The following PDXDC1 variants were observed in gnomAD, a reference collection of about 807,000 sequenced individuals.
The protein encoded by PDXDC1 is pyridoxal dependent decarboxylase domain containing 1, also known as pyridoxal-dependent decarboxylase domain-containing protein 1.
PDXDC1 carries 42 observed loss-of-function variants against 100.1 expected under a neutral mutation model. The observed-to-expected ratio is 0.42, with a 90% CI of 0.33 to 0.54. The LOEUF (loss-of-function observed/expected upper bound fraction) is 0.54, where lower values mean the gene tolerates loss of function less well. Among genes scored for constraint, PDXDC1 ranks in the 20% least tolerant of loss-of-function variants. The pLI is 0.10. For synonymous variants in PDXDC1, 260 were observed against 371.7 expected (o/e 0.70, Z 3.46); for missense variants, 636 against 979.2 (o/e 0.65, Z 4.68).
At chr16:15,058,698 T>G (rs2044611365) in intron 16 of PDXDC1, among the ~76,000 whole-genome samples, 1 of 152,208 alleles carries the variant, frequency 6.6e-6, no homozygotes, top group Non-Finnish European at 1.5e-5. Context: ...ACCACTGCAC[T>G]CCAGCCTGGG....
chr16:15,082,837 A>G (rs545427641), intron 16 of PDXDC1, among the ~76,000 whole-genome samples: 2 of 152,212 alleles, frequency 1.3e-5, no homozygotes, highest in Non-Finnish European at 2.9e-5. Context: ...CAAAAACTTA[A>G]GCAGAATTCT....
the PDXDC1 span, among the ~76,000 whole-genome samples, chr16:15,145,307 C>G: frequency 6.6e-6 from 1 of 152,254 alleles, no homozygotes; most frequent in African/African-American, 2.4e-5. Context: ...GTGGGCACAG[C>G]CAATGATGGC....
At chr16:15,048,302 G>C (rs531722625) in intron 16 of PDXDC1, among the ~76,000 whole-genome samples, 1 of 152,212 alleles carries the variant, frequency 6.6e-6, no homozygotes. Flanking sequence ...GGTTCTGCGC[G>C]GTGGTTTTTT....
In PDXDC1 at chr16:15,034,251, T is replaced by C. The variant is rs753546251; in HGVS notation, c.1813-35T>C. ...CTCTTCTGGGCCCCAGGTGAGAACC[T>C]TAAACAAGTAATGTCTTTCTTGGTC... On this transcript the variant is annotated intron_variant, in intron 19 of 22. Transcript: ENST00000396410. The C allele has an allele frequency of 1.6e-5, 25 of 1,599,694 alleles. No homozygotes were observed. In the South Asian group the frequency reaches 2.6e-4, roughly 17 times the overall value.
intron 16 of PDXDC1, among the ~76,000 whole-genome samples, chr16:15,103,526 C>CA (rs2046643248): frequency 6.6e-6 from 1 of 151,804 alleles, no homozygotes; most frequent in Non-Finnish European, 1.5e-5. Flanking sequence ...TTTTTTGAGT[C>CA]AGAGTCTCGC....
chr16:15,029,626 C>G (rs1016052252), intron 15 of PDXDC1: 1 of 498,994 alleles, frequency 2.0e-6, no homozygotes, highest in African/African-American at 1.9e-5. Flanking sequence ...CTACAACTCC[C>G]TGCCCGCCAC....
chr16:15,117,421 G>T (rs1430938263), intron 16 of PDXDC1, among the ~76,000 whole-genome samples: 9 of 147,884 alleles, frequency 6.1e-5, no homozygotes, highest in African/African-American at 2.0e-4. Flanking sequence ...AGCACTGGGA[G>T]GCCGAGGCAG....
chr16:15,026,561 C>T (rs777600429), intron 13 of PDXDC1, 82 bp from the exon 14 acceptor site: 31 of 1,133,732 alleles, frequency 2.7e-5, no homozygotes, highest in Admixed American at 1.8e-4. Context: ...CATTTCTAAG[C>T]GAGTTTTTGA....
intron 16 of PDXDC1, among the ~76,000 whole-genome samples, chr16:15,096,043 A>C (rs1252531311): frequency 1.3e-5 from 2 of 151,748 alleles, no homozygotes; most frequent in Non-Finnish European, 2.9e-5. Flanking sequence ...GTACCCCTGC[A>C]CTCCAGCCTG....
In PDXDC1 at chr16:15,038,307, A is replaced by T; in HGVS notation, c.*2032A>T. ...TATCTTTGTTCTTGGACACAAATAT[A>T]TATAATAAAATACGTTAAGAAATGA... On this transcript the variant is annotated 3_prime_UTR_variant, in exon 23 of 23. Coordinates refer to ENST00000396410, the MANE Select transcript of PDXDC1 (RefSeq NM_015027.4). The T allele has an allele frequency of 1.2e-6, 1 of 849,856 alleles. No individual in the cohort carries two copies. Among genetic ancestry groups the T allele is most frequent in the Admixed American group, 2.8e-5 (1 of 35,276 alleles). The allele number at this position is 849,856 out of a possible 1,614,324, so 52.6% of individuals were successfully genotyped here.
At chr16:15,128,592 G>A (rs1448962340) in intron 16 of PDXDC1, among the ~76,000 whole-genome samples, 1 of 152,092 alleles carries the variant, frequency 6.6e-6, no homozygotes, top group African/African-American at 2.4e-5. Context: ...ACATGATTAA[G>A]TTACATGGAA....
chr16:15,149,793 G>A, the PDXDC1 span, among the ~76,000 whole-genome samples: 7 of 152,206 alleles, frequency 4.6e-5, no homozygotes, highest in South Asian at 1.5e-3. Context: ...AGCACCAGAA[G>A]TGGCCTTTAG....
chr16:14,997,622 T>G, intron 1 of PDXDC1, 131 bp from the exon 2 acceptor site: 4 of 1,053,986 alleles, frequency 3.8e-6, no homozygotes, highest in Non-Finnish European at 5.4e-6. Flanking sequence ...TTTGTACTAT[T>G]GCAAGTTTTA....
intron 16 of PDXDC1, among the ~76,000 whole-genome samples, chr16:15,101,657 G>A (rs1229638704): frequency 7.4e-5 from 11 of 149,006 alleles, no homozygotes; most frequent in Non-Finnish European, 1.5e-4. Flanking sequence ...GAACCTGGGA[G>A]GTGGAGGTTG....
intron 16 of PDXDC1, among the ~76,000 whole-genome samples, chr16:15,056,982 G>C (rs976460954): frequency 1.3e-5 from 2 of 152,102 alleles, no homozygotes; most frequent in Non-Finnish European, 2.9e-5. Flanking sequence ...CCCAAGGTGA[G>C]AGGCGTCTCA....
At chr16:15,076,036 G>A (rs1037326894) in intron 16 of PDXDC1, among the ~76,000 whole-genome samples, 1 of 152,018 alleles carries the variant, frequency 6.6e-6, no homozygotes, top group Non-Finnish European at 1.5e-5. Flanking sequence ...ACCAATCCAT[G>A]CCCCAGAATG....
chr16:15,148,515 T>G, the PDXDC1 span, among the ~76,000 whole-genome samples: 6 of 151,100 alleles, frequency 4.0e-5, no homozygotes, highest in South Asian at 1.3e-3. Context: ...CTTGAATAGC[T>G]GGGACCACAG....
intron 1 of PDXDC1, among the ~76,000 whole-genome samples, chr16:14,984,151 G>A (rs1209875871): frequency 6.6e-6 from 1 of 151,984 alleles, no homozygotes; most frequent in Non-Finnish European, 1.5e-5. Context: ...GACAGAGTGA[G>A]ACCCTGTCTC....
intron 16 of PDXDC1, among the ~76,000 whole-genome samples, chr16:15,043,910 T>G (rs765170061): frequency 2.4e-4 from 37 of 151,846 alleles, no homozygotes; most frequent in Admixed American, 3.3e-4. Context: ...ATCATGCTAC[T>G]GCACTCCAAC....
Sources: allele counts gnomAD v4.1 joint callset (sites outside exome capture counted in the v4.1 genomes callset), GRCh38; gene constraint gnomAD v4.1.1; transcripts MANE v1.5; gene names NCBI Gene and HGNC (gene_info 2026-07-23, HGNC 2026-07-21).